COL25A1: variants seen among roughly 807,000 people sequenced by gnomAD.
The protein encoded by COL25A1 is collagen alpha-1(XXV) chain.
In COL25A1, 103 loss-of-function variants were observed where a neutral mutation model predicts 128.4. That is an observed-to-expected ratio of 0.80 (90% CI 0.68 to 0.94). COL25A1 has a LOEUF of 0.94. COL25A1 is among the 40% of genes least tolerant of loss of function. The pLI is 0.00. For synonymous variants in COL25A1, 279 were observed against 277.2 expected, an observed-to-expected ratio of 1.01 and a Z score of -0.06; for missense variants, 745 against 840.0, an observed-to-expected ratio of 0.89 and a Z score of 1.40.
At chr4:108,931,412 C>A (rs1011469781) in intron 11 of COL25A1, among the ~76,000 whole-genome samples, 1 of 152,110 alleles carries the variant, frequency 6.6e-6, no homozygotes, top group African/African-American at 2.4e-5. Context: ...AGAGCTGATT[C>A]ACAGCCTAGA....
At chr4:109,288,962 TACACAC>T (rs3079876) in intron 3 of COL25A1, among the ~76,000 whole-genome samples, 6,681 of 133,504 alleles carry the variant, frequency 0.05, 158 homozygotes, top group South Asian at 0.066. Context: ...AAATTATATA[TACACAC>T]ACACACACAC....
chr4:109,297,157 A>G (rs2126290190), intron 3 of COL25A1, among the ~76,000 whole-genome samples: 1 of 152,196 alleles, frequency 6.6e-6, no homozygotes, highest in African/African-American at 2.4e-5. Flanking sequence ...TAAACCAAAT[A>G]TTTTTTAAAA....
intron 3 of COL25A1, among the ~76,000 whole-genome samples, chr4:109,160,634 TA>T (rs1283613880): frequency 6.6e-6 from 1 of 152,172 alleles, no homozygotes; most frequent in East Asian, 1.9e-4. Flanking sequence ...ATATTTGCAC[TA>T]ATTACTACAA....
intron 13 of COL25A1, among the ~76,000 whole-genome samples, chr4:108,905,936 A>C (rs1743453666): frequency 6.6e-6 from 1 of 151,946 alleles, no homozygotes; most frequent in Admixed American, 6.6e-5. Flanking sequence ...CCAGGAGATC[A>C]AGTTCTTGTG....
intron 3 of COL25A1, among the ~76,000 whole-genome samples, chr4:109,117,664 AATGTATTCAGTT>A (rs1239214206): frequency 6.6e-6 from 1 of 152,018 alleles, no homozygotes; most frequent in African/African-American, 2.4e-5. Flanking sequence ...TAATAGCAAC[AATGTATTCAGTT>A]ATGTGTGCTC....
intron 35 of COL25A1, chr4:108,823,782 TG>T: frequency 2.2e-6 from 1 of 455,906 alleles, no homozygotes; most frequent in Non-Finnish European, 3.4e-6. Context: ...TGGGAAGTAG[TG>T]AAGACAAGTG....
At chr4:108,983,008 G>A (rs905666336) in intron 6 of COL25A1, among the ~76,000 whole-genome samples, 2 of 152,128 alleles carry the variant, frequency 1.3e-5, no homozygotes, top group African/African-American at 2.4e-5. Flanking sequence ...GGAGTTAAAG[G>A]CTTATAAAAC....
rs149485871 is a variant in COL25A1 at position 109,083,445 on chromosome 4, T to TAAA, written c.368-33269_368-33267dup. On this transcript the variant is annotated intron_variant, in intron 3 of 37. Coordinates refer to ENST00000399132, the MANE Select transcript of COL25A1 (RefSeq NM_198721.4). ...AAACACCAATAACTTTTACACTAAA[T>TAAA]AAATTTTTTTTTTTTTTTTTTTTTT... is the stretch of plus-strand genomic sequence containing the variant. Among the ~76,000 whole-genome samples, 120 of 100,724 alleles carry TAAA rather than the reference T, an allele frequency of 1.2e-3. 2 individuals are homozygous for TAAA. The highest frequency in any genetic ancestry group is 5.6e-3 in the African/African-American group (118 of 20,940). 66.1% of individuals were successfully genotyped at this position (100,724 alleles called of 152,430 possible).
At chr4:109,153,380 T>A (rs1186205323) in intron 3 of COL25A1, among the ~76,000 whole-genome samples, 15 of 62,774 alleles carry the variant, frequency 2.4e-4, no homozygotes, top group Admixed American at 5.3e-4. Flanking sequence ...AAGCTCCATC[T>A]CAAAAAAAAA....
chr4:109,017,422 C>T (rs1421487044), intron 5 of COL25A1, among the ~76,000 whole-genome samples: 3 of 152,172 alleles, frequency 2.0e-5, no homozygotes, highest in Non-Finnish European at 2.9e-5. Flanking sequence ...GTGCCACTGG[C>T]CACAAAGGTT....
intron 3 of COL25A1, among the ~76,000 whole-genome samples, chr4:109,156,202 G>A (rs566563577): frequency 4.7e-4 from 71 of 152,272 alleles, no homozygotes; most frequent in Non-Finnish European, 7.1e-4. Context: ...GTGTGTCAAT[G>A]TCAACTGAAA....
intron 18 of COL25A1, among the ~76,000 whole-genome samples, chr4:108,886,442 T>G (rs1041269942): frequency 1.8e-4 from 15 of 81,406 alleles, no homozygotes; most frequent in East Asian, 3.5e-4. Context: ...CTATGAGATT[T>G]TGTGTGTGTG....
chr4:109,220,363 T>TCTC (rs1330107642), intron 3 of COL25A1, among the ~76,000 whole-genome samples: 1 of 152,176 alleles, frequency 6.6e-6, no homozygotes, highest in East Asian at 1.9e-4. Flanking sequence ...TCTCAACTGA[T>TCTC]AAGATATTCA....
At chr4:108,899,313 T>C (rs1422384948) in intron 14 of COL25A1, 133 bp from the exon 15 acceptor site, 4 of 679,740 alleles carry the variant, frequency 5.9e-6, no homozygotes, top group Non-Finnish European at 9.7e-6. Context: ...CTACATGCAG[T>C]TGCTATATGA....
At chr4:109,158,975 T>C (rs371855928) in intron 3 of COL25A1, among the ~76,000 whole-genome samples, 2 of 152,128 alleles carry the variant, frequency 1.3e-5, no homozygotes, top group East Asian at 1.9e-4. Context: ...CATGAGTATA[T>C]TGTATTTTAT....
At chr4:108,987,670 G>A (rs563628473) in intron 6 of COL25A1, among the ~76,000 whole-genome samples, 7 of 152,206 alleles carry the variant, frequency 4.6e-5, no homozygotes, top group East Asian at 1.9e-4. Context: ...CACCGCGCCC[G>A]GCCGTGCATA....
chr4:109,277,727 C>T (rs1372024029), intron 3 of COL25A1, among the ~76,000 whole-genome samples: 2 of 152,164 alleles, frequency 1.3e-5, no homozygotes, highest in Non-Finnish European at 2.9e-5. Context: ...GTATCCATTT[C>T]TGATTCTACA....
chr4:109,024,997 G>A (rs1188019615), intron 5 of COL25A1, among the ~76,000 whole-genome samples: 1 of 152,182 alleles, frequency 6.6e-6, no homozygotes, highest in Non-Finnish European at 1.5e-5. Context: ...ATCCCTGCTA[G>A]GCATAGAGGC....
intron 37 of COL25A1, among the ~76,000 whole-genome samples, chr4:108,814,688 T>A (rs923727077): frequency 6.6e-6 from 1 of 152,174 alleles, no homozygotes; most frequent in African/African-American, 2.4e-5. Context: ...ACAAAGCAGA[T>A]CTTAGAGACG....
Sources: allele counts gnomAD v4.1 joint callset (sites outside exome capture counted in the v4.1 genomes callset), GRCh38; gene constraint gnomAD v4.1.1; transcripts MANE v1.5; gene names NCBI Gene and HGNC (gene_info 2026-07-23, HGNC 2026-07-21).